SIK3: variants seen among roughly 807,000 people sequenced by gnomAD.
SIK3 encodes the protein SIK family kinase 3.
A neutral mutation model predicts 144.2 loss-of-function variants in SIK3; 28 were observed. That is an observed-to-expected ratio of 0.19 (90% confidence interval 0.14 to 0.27). The LOEUF (loss-of-function observed/expected upper bound fraction) is 0.27. Ranked by LOEUF, SIK3 falls within the 10% of genes least tolerant of loss-of-function variation. The probability of loss-of-function intolerance (pLI) is 1.00; values close to 1 mark genes in which losing one functional copy is unlikely to be tolerated. For missense variants in SIK3, 1,319 were observed against 1,776.0 expected (o/e 0.74, Z 4.62); for synonymous variants, 686 against 676.3 (o/e 1.01, Z -0.22).
chr11:116,943,678 T>C (rs891056723), intron 3 of SIK3, among the ~76,000 whole-genome samples: 12 of 152,160 alleles, frequency 7.9e-5, no homozygotes, highest in African/African-American at 2.7e-4. Flanking sequence ...TATTTGACAG[T>C]TTGCTTCATG....
At chr11:117,083,692 A>G (rs956003523) in intron 1 of SIK3, among the ~76,000 whole-genome samples, 4 of 152,224 alleles carry the variant, frequency 2.6e-5, no homozygotes, top group African/African-American at 9.6e-5. Context: ...AGAGAGAAGA[A>G]ATCCTGCAGG....
chr11:117,030,393 A>G (rs913735823), intron 1 of SIK3, among the ~76,000 whole-genome samples: 2 of 152,252 alleles, frequency 1.3e-5, no homozygotes, highest in African/African-American at 4.8e-5. Flanking sequence ...AAATTACTGT[A>G]CATCCATACA....
intron 21 of SIK3, among the ~76,000 whole-genome samples, chr11:116,853,869 G>C: frequency 6.6e-6 from 1 of 152,190 alleles, no homozygotes; most frequent in Non-Finnish European, 1.5e-5. Context: ...TTTCCTTCTA[G>C]GGTGGCAGGC....
chr11:116,996,632 C>T lies in SIK3; in HGVS notation c.274-39568G>A, dbSNP rs547282639. On this transcript the variant is annotated intron_variant, in intron 1 of 24. Coordinates refer to ENST00000445177, the MANE Select transcript of SIK3 (RefSeq NM_001366686.3). Reference sequence around the variant, plus strand: ...GCCAGGAATTCAAGACCAGCCTGGCCAACATCATGAAACCCCATCTCTACT... The same window carrying T: ...GCCAGGAATTCAAGACCAGCCTGGCTAACATCATGAAACCCCATCTCTACT... 1.1e-4 allele frequency among the ~76,000 whole-genome samples: 16 copies of T among 151,828 alleles called. No homozygotes were observed. The South Asian group carries it at 3.3e-3, about 32-fold the overall frequency.
intron 3 of SIK3, among the ~76,000 whole-genome samples, chr11:116,931,728 T>C (rs1275141057): frequency 6.6e-6 from 1 of 152,230 alleles, no homozygotes; most frequent in Non-Finnish European, 1.5e-5. Context: ...CTCAGTTCTA[T>C]CATTTCTTCT....
intron 1 of SIK3, among the ~76,000 whole-genome samples, 200 bp from the exon 2 acceptor site, chr11:116,957,264 C>A (rs1464183139): frequency 6.6e-6 from 1 of 152,102 alleles, no homozygotes; most frequent in Admixed American, 6.5e-5. Flanking sequence ...CTCAAAGGAA[C>A]AGACTCCAAA....
intron 1 of SIK3, among the ~76,000 whole-genome samples, chr11:117,091,140 C>A (rs764060699): frequency 3.4e-5 from 5 of 147,770 alleles, no homozygotes; most frequent in Non-Finnish European, 7.4e-5. Context: ...AGCCATGAAT[C>A]TAATGGATAA....
At chr11:116,861,762 C>T in intron 18 of SIK3, 79 bp downstream of exon 18, 1 of 889,732 alleles carries the variant, frequency 1.1e-6, no homozygotes, top group South Asian at 1.5e-5. Flanking sequence ...TCAAGTCAGT[C>T]CATATCTCCC....
At position 116,924,816 on chromosome 11, in the gene SIK3, G is replaced by A. The variant is rs149903567; in HGVS notation, c.616+2403C>T. ...CTGGTCAGTGCAGAGTGGGTGGTGC[G>A]TGTCCAGAGGGCCTTCTTTTAATTC... On this transcript the variant is annotated intron_variant, in intron 4 of 24. Coordinates refer to ENST00000445177, the MANE Select transcript of SIK3 (RefSeq NM_001366686.3). Among the ~76,000 whole-genome samples, 1,113 of 152,266 alleles carry A rather than the reference G, an allele frequency of 7.3e-3. 6 individuals are homozygous for A. The highest frequency in any genetic ancestry group is 0.012 in the Non-Finnish European group (806 of 68,014).
chr11:116,921,611 T>C (rs1946980111), intron 4 of SIK3, among the ~76,000 whole-genome samples: 1 of 152,192 alleles, frequency 6.6e-6, no homozygotes, highest in Non-Finnish European at 1.5e-5. Flanking sequence ...TCAAGTGATC[T>C]TCCCACTTCG....
At chr11:116,870,470 T>G in intron 13 of SIK3, 69 bp from the exon 14 acceptor site, 3 of 1,605,354 alleles carry the variant, frequency 1.9e-6, no homozygotes, top group Non-Finnish European at 8.5e-7. Flanking sequence ...CTCTAGTAAC[T>G]GGGCTTGGGG....
intron 1 of SIK3, among the ~76,000 whole-genome samples, chr11:117,048,656 C>CA (rs941461574): frequency 1.6e-4 from 23 of 147,048 alleles, no homozygotes; most frequent in East Asian, 2.0e-4. Flanking sequence ...AACTCCGTCT[C>CA]AAAAAAAAAA....
chr11:116,939,115 G>A (rs1427131984), intron 3 of SIK3, among the ~76,000 whole-genome samples: 1 of 152,106 alleles, frequency 6.6e-6, no homozygotes, highest in Non-Finnish European at 1.5e-5. Flanking sequence ...ATGAATGAGA[G>A]AATTCAAATA....
chr11:116,936,626 C>T (rs1252780164), intron 3 of SIK3, among the ~76,000 whole-genome samples: 2 of 152,164 alleles, frequency 1.3e-5, no homozygotes, highest in East Asian at 1.9e-4. Context: ...TTACAAAATA[C>T]GCTAAATTTT....
intron 1 of SIK3, among the ~76,000 whole-genome samples, chr11:117,049,009 G>A (rs1045460280): frequency 6.6e-6 from 1 of 152,152 alleles, no homozygotes; most frequent in Admixed American, 6.5e-5. Context: ...GCTGAGGCAG[G>A]AGAATTGCTT....
At chr11:116,935,047 T>C (rs567583755) in intron 3 of SIK3, among the ~76,000 whole-genome samples, 8 of 152,168 alleles carry the variant, frequency 5.3e-5, no homozygotes. Flanking sequence ...ATCGTGCCAC[T>C]GCACTCCAGC....
At chr11:117,005,993 G>A (rs1208956753) in intron 1 of SIK3, among the ~76,000 whole-genome samples, 3 of 152,170 alleles carry the variant, frequency 2.0e-5, no homozygotes, top group Non-Finnish European at 1.5e-5. Flanking sequence ...CACAGTAAAG[G>A]GAGGGAAGGG....
intron 1 of SIK3, among the ~76,000 whole-genome samples, chr11:117,084,419 A>C (rs1468113337): frequency 6.6e-6 from 1 of 151,934 alleles, no homozygotes; most frequent in Non-Finnish European, 1.5e-5. Flanking sequence ...GCATGCACCA[A>C]CACACCCAGC....
intron 1 of SIK3, among the ~76,000 whole-genome samples, chr11:117,011,981 A>C (rs1951281223): frequency 6.6e-6 from 1 of 151,994 alleles, no homozygotes; most frequent in Admixed American, 6.6e-5. Context: ...GTTATCCCCT[A>C]AACACTTTTT....
Sources: gnomAD v4.1 joint callset for allele counts (sites outside exome capture counted in the v4.1 genomes callset) on GRCh38, gnomAD v4.1.1 for gene constraint, MANE v1.5 for transcripts, NCBI Gene and HGNC (gene_info 2026-07-23, HGNC 2026-07-21) for gene names.